The following LGI4 variants were observed in gnomAD, a reference collection of about 807,000 sequenced individuals.
LGI4 encodes the protein leucine rich repeat LGI family member 4, also known as leucine-rich repeat LGI family member 4.
In LGI4, 36 loss-of-function variants were observed where a neutral mutation model predicts 48.3. The ratio of observed to expected loss-of-function variants is 0.75; its 90% CI spans 0.57 to 0.98. The LOEUF is 0.98. Ranked by LOEUF, LGI4 falls within the 50% of genes least tolerant of loss-of-function variation. The pLI, the probability that LGI4 is intolerant of heterozygous loss-of-function variation, is 0.00. For synonymous variants in LGI4, 355 were observed against 331.6 expected, an observed-to-expected ratio of 1.07 and a Z score of -0.77; for missense variants, 701 against 732.1, an observed-to-expected ratio of 0.96 and a Z score of 0.49.
At chr19:35,132,806 C>G (rs889442980) in intron 3 of LGI4, among the ~76,000 whole-genome samples, 1 of 152,136 alleles carries the variant, frequency 6.6e-6, no homozygotes, top group Admixed American at 6.5e-5. Context: ...TGAGCGCCAC[C>G]AACACTGCCA....
At position 35,126,940 on chromosome 19, in the gene LGI4, C is replaced by A. The variant is rs759009916; in HGVS notation, c.706G>T (p.Val236Leu). 1 of 1,613,812 alleles carries A rather than the reference C, an allele frequency of 6.2e-7. No homozygotes were observed. The highest frequency in any genetic ancestry group is 1.7e-5 in the Admixed American group (1 of 60,016). ...PFSYQGEPHIVLAQPFAGRCL... is the reference protein window; with the variant it reads ...PFSYQGEPHILLAQPFAGRCL... ...CGGCCGGCGAAGGGCTGTGCCAGCACAATGTGAGGCTCCCCTTGGTAGGAG... is the reference window on the plus strand; with the variant it reads ...CGGCCGGCGAAGGGCTGTGCCAGCAAAATGTGAGGCTCCCCTTGGTAGGAG... The change falls in exon 7 of 9, where the codon GTG (valine) becomes TTG (leucine). Residue 236 changes from valine to leucine, a missense_variant. Coordinates refer to ENST00000310123, the MANE Select transcript of LGI4 (RefSeq NM_139284.3).
intron 6 of LGI4, among the ~76,000 whole-genome samples, chr19:35,129,453 G>T (rs573570810): frequency 1.3e-4 from 20 of 152,218 alleles, no homozygotes; most frequent in African/African-American, 4.6e-4. Flanking sequence ...AAATTCTTCT[G>T]CTTTGAGATG....
At position 35,125,122 on chromosome 19, in the gene LGI4, C is replaced by T. The variant is rs933856682; in HGVS notation, c.*71G>A. The T allele has an allele frequency of 1.5e-6, 2 of 1,371,864 alleles. No individual in the cohort carries two copies. Among genetic ancestry groups the T allele is most frequent in the Non-Finnish European group, 2.0e-6 (2 of 1,017,754 alleles). 85.0% of individuals were successfully genotyped at this position (1,371,864 alleles called of 1,614,324 possible). ...GCAGCTCACAGGCGGGCCATCACCC[C>T]AAGTAGGGCCAGGAGCCAGCCAAGG... On this transcript the variant is annotated 3_prime_UTR_variant, in exon 9 of 9. Coordinates refer to ENST00000310123, the MANE Select transcript of LGI4 (RefSeq NM_139284.3).
rs576035491 is a variant in LGI4 at position 35,124,916 on chromosome 19, C to T, written c.*277G>A. 2.4e-5 allele frequency: 8 copies of T among 329,184 alleles called. No individual in the cohort carries two copies. The highest frequency in any genetic ancestry group is 1.5e-4 in the African/African-American group (7 of 47,334). The allele number at this position is 329,184 out of a possible 1,614,324, so 20.4% of individuals were successfully genotyped here. On this transcript the variant is annotated 3_prime_UTR_variant, in exon 9 of 9. Coordinates refer to ENST00000310123, the MANE Select transcript of LGI4 (RefSeq NM_139284.3). ...CCATGCAGTGCACCAGCCTGCACCC[C>T]CCAGGTTGCCTTTGATGGGGAATCT... is the stretch of plus-strand genomic sequence containing the variant.
chr19:35,133,792 TC>T (rs1172909969), intron 2 of LGI4, 28 bp from the exon 3 acceptor site: 2 of 1,581,764 alleles, frequency 1.3e-6, no homozygotes, highest in Non-Finnish European at 1.7e-6. Context: ...AAGAAATTTT[TC>T]CAGAATTGCA....
intron 3 of LGI4, chr19:35,133,374 C>T (rs2065188146): frequency 8.4e-7 from 1 of 1,192,968 alleles, no homozygotes; most frequent in South Asian, 2.2e-5. Context: ...GACTTCTGTA[C>T]ACCCTTCCTG....
In LGI4 at chr19:35,131,970, C is replaced by T; in HGVS notation, c.386+1G>A. 1 of 1,588,502 alleles carries T rather than the reference C, an allele frequency of 6.3e-7. No homozygotes were observed. Among genetic ancestry groups the T allele is most frequent in the Non-Finnish European group, 8.6e-7 (1 of 1,167,016 alleles). On this transcript the variant is annotated splice_donor_variant, in intron 4 of 8. Transcript: ENST00000310123. LOFTEE classifies it high-confidence loss of function. ...AGGGCTGGGGCGGTGGAGGCACGCA[C>T]AGGTGTGTAAGCGAGCGAAGTCCTC...
chr19:35,130,202 G>A (rs971834310), intron 6 of LGI4, among the ~76,000 whole-genome samples: 6 of 152,110 alleles, frequency 3.9e-5, no homozygotes, highest in African/African-American at 1.4e-4. Flanking sequence ...ACCAGTGCCG[G>A]CGCGGGTCCT....
chr19:35,131,258 G>T (rs1324026057), intron 6 of LGI4, 128 bp downstream of exon 6: 2 of 1,122,866 alleles, frequency 1.8e-6, no homozygotes, highest in Admixed American at 2.0e-5. Context: ...GCTCAGGAAG[G>T]CAGTGCTGCT....
chr19:35,125,025 C>T lies in LGI4; in HGVS notation c.*168G>A, dbSNP rs2065120838. The T allele has an allele frequency of 3.9e-6, 2 of 511,650 alleles. No homozygotes were observed. The highest frequency in any genetic ancestry group is 1.9e-5 in the African/African-American group (1 of 52,136). The allele number at this position is 511,650 out of a possible 1,614,324, so 31.7% of individuals were successfully genotyped here. A position where few individuals can be genotyped will look rare whatever the true frequency, so the allele number is the denominator to read the frequency against. ...GTAGGCTGGGACCCTCTATGTCCCCCCATGGGTGCAGATCCTTTAAGAAGT... is the reference window on the plus strand; with the variant it reads ...GTAGGCTGGGACCCTCTATGTCCCCTCATGGGTGCAGATCCTTTAAGAAGT... On this transcript the variant is annotated 3_prime_UTR_variant, in exon 9 of 9. Transcript: ENST00000310123.
chr19:35,126,085 T>A (rs1051823386), intron 8 of LGI4, 185 bp downstream of exon 8: 29 of 633,620 alleles, frequency 4.6e-5, no homozygotes, highest in Middle Eastern at 5.1e-4. Context: ...CCAGCATCAG[T>A]GTCGGGGACT....
At chr19:35,134,411 T>TG in intron 1 of LGI4, 100 bp downstream of exon 1, 1 of 1,235,398 alleles carries the variant, frequency 8.1e-7, no homozygotes, top group Non-Finnish European at 1.1e-6. Context: ...GAGATCCTGA[T>TG]GGGCCCCTGT....
chr19:35,131,213 T>C, intron 6 of LGI4, 173 bp downstream of exon 6: 1 of 787,482 alleles, frequency 1.3e-6, no homozygotes, highest in South Asian at 1.5e-5. Flanking sequence ...TATATCACTG[T>C]TTATTACCCC....
Position 35,134,592 on chromosome 19 carries a change from C to T in LGI4, c.89G>A (p.Arg30His), listed in dbSNP as rs1027542944. ...WRPPKGKCPL[R>H]CSCSKDSALC... ...GGCGCTGTCTTTAGAGCAGGAGCAG[C>T]GCAGGGGACACTTTCCCTTTGGGGG... Residue 30 changes from arginine (R) to histidine (H), a missense_variant, in exon 1 of 9, where the codon CGC becomes CAC. By Grantham distance (29) the Arg-to-His change is conservative (BLOSUM62 0). Coordinates refer to ENST00000310123, the MANE Select transcript of LGI4 (RefSeq NM_139284.3). 14 of 1,585,844 alleles carry T rather than the reference C, an allele frequency of 8.8e-6. No individual in the cohort carries two copies. In the East Asian group the frequency reaches 9.1e-5, roughly 10 times the overall value.
At chr19:35,133,132 T>C (rs2065186696) in intron 3 of LGI4, among the ~76,000 whole-genome samples, 1 of 152,060 alleles carries the variant, frequency 6.6e-6, no homozygotes, top group African/African-American at 2.4e-5. Context: ...TCCATCATCA[T>C]CAATAATGCC....
intron 2 of LGI4, 89 bp downstream of exon 2, chr19:35,133,944 C>A: frequency 7.2e-7 from 1 of 1,395,896 alleles, no homozygotes. Context: ...CAATGCCCAC[C>A]TGACATCTGT....
At chr19:35,129,107 C>T (rs1043642881) in intron 6 of LGI4, among the ~76,000 whole-genome samples, 10 of 152,068 alleles carry the variant, frequency 6.6e-5, no homozygotes, top group Non-Finnish European at 1.3e-4. Context: ...CTGTAAGTCC[C>T]GTAAGGCCAC....
chr19:35,132,158 C>G, intron 3 of LGI4, 116 bp from the exon 4 acceptor site: 1 of 849,780 alleles, frequency 1.2e-6, no homozygotes, highest in Non-Finnish European at 1.9e-6. Context: ...ACGGACAATC[C>G]CAGGGAAAGC....
chr19:35,126,240 C>A (rs1371237941), intron 8 of LGI4, 30 bp downstream of exon 8: 1 of 1,603,088 alleles, frequency 6.2e-7, no homozygotes, highest in Admixed American at 1.7e-5. Flanking sequence ...TGCTGAAAAG[C>A]CAGCCCCCCG....
Sources: allele counts gnomAD v4.1 joint callset (sites outside exome capture counted in the v4.1 genomes callset), GRCh38; gene constraint gnomAD v4.1.1; transcripts MANE v1.5; gene names NCBI Gene and HGNC (gene_info 2026-07-23, HGNC 2026-07-21).